Variants in GFRA4 observed in about 807,000 individuals in gnomAD.
GFRA4 encodes the protein GDNF family receptor alpha-4.
Under a neutral mutation model 28.5 loss-of-function variants are expected in GFRA4, and 31 were observed. The observed-to-expected ratio is 1.09, with a 90% CI of 0.82 to 1.47. The LOEUF (loss-of-function observed/expected upper bound fraction) is 1.47, where lower values mean the gene tolerates loss of function less well. GFRA4 is among the 40% of genes most tolerant of loss of function. GFRA4 has a pLI of 0.00. For synonymous variants in GFRA4, 188 were observed against 188.0 expected, an observed-to-expected ratio of 1.00 and a Z score of 0.00; for missense variants, 389 against 413.2, an observed-to-expected ratio of 0.94 and a Z score of 0.51.
chr20:3,660,832 G>T lies in GFRA4; in HGVS notation c.425C>A (p.Thr142Asn). 7.0e-7 allele frequency: 1 copy of T among 1,426,770 alleles called. No homozygotes were observed. The highest frequency in any genetic ancestry group is 9.1e-7 in the Non-Finnish European group (1 of 1,103,042). The allele number at this position is 1,426,770 out of a possible 1,614,324, so 88.4% of individuals were successfully genotyped here. Residue 142 changes from threonine to asparagine, a missense_variant, in exon 3 of 6, where the codon ACC becomes AAC. Thr to Asn is a moderately conservative substitution (Grantham distance 65). Coordinates refer to ENST00000290417, the MANE Select transcript of GFRA4 (RefSeq NM_022139.4). Reference sequence around the variant, plus strand: ...GCCGTCGGGGGCGCTGGGCGCTGGGGTGCACGAGACCTGAAAGGCCAGGAG... The same window carrying T: ...GCCGTCGGGGGCGCTGGGCGCTGGGTTGCACGAGACCTGAAAGGCCAGGAG... ...PRLLAFQVSC[T>N]PAPSAPDGCL...
Position 3,661,068 on chromosome 20 carries a change from C to G in GFRA4, c.268G>C (p.Gly90Arg). ...CGCCGACGCTCGGCGCACGCGGGGC[C>G]CGCGCACGGGCAGAAGAGCAGTGCG... is the stretch of plus-strand genomic sequence containing the variant. ...THALLFCPCA[G>R]PACAERRRQT... Residue 90 changes from glycine to arginine, a missense_variant, in exon 2 of 6, where the codon GGC becomes CGC. Gly to Arg is a moderately radical substitution (Grantham distance 125). Transcript: ENST00000290417. 1 of 1,443,988 alleles carries G rather than the reference C, an allele frequency of 6.9e-7. No homozygotes were observed. Among genetic ancestry groups the G allele is most frequent in the Non-Finnish European group, 9.0e-7 (1 of 1,105,824 alleles). 89.4% of individuals were successfully genotyped at this position (1,443,988 alleles called of 1,614,324 possible). A position where few individuals can be genotyped will look rare whatever the true frequency, so the allele number is the denominator to read the frequency against.
Position 3,661,150 on chromosome 20 carries a change from G to A in GFRA4, c.186C>T (p.Ala62=). 3 of 1,342,314 alleles carry A rather than the reference G, an allele frequency of 2.2e-6. No individual in the cohort carries two copies. The highest frequency in any genetic ancestry group is 3.1e-5 in the East Asian group (1 of 32,238). The allele number at this position is 1,342,314 out of a possible 1,614,324, so 83.2% of individuals were successfully genotyped here. Residue 62 remains alanine, a synonymous_variant, in exon 2 of 6, where the codon GCC becomes GCT. Coordinates refer to ENST00000290417, the MANE Select transcript of GFRA4 (RefSeq NM_022139.4). ...GRAAQGGCPR[A]RCRRALRRFF... is the part of the protein sequence containing the mutation. Reference sequence around the variant, plus strand: ...AGCGGCGCAGGGCCCGGCGGCAGCGGGCGCGGGGACAGCCCCCCTGCGCAG... The same window carrying A: ...AGCGGCGCAGGGCCCGGCGGCAGCGAGCGCGGGGACAGCCCCCCTGCGCAG...
chr20:3,661,604 C>T (rs1458383162), intron 1 of GFRA4, among the ~76,000 whole-genome samples: 1 of 152,158 alleles, frequency 6.6e-6, no homozygotes, highest in Non-Finnish European at 1.5e-5. Context: ...CGTCCAAAGA[C>T]GGGTCCAGGG....
chr20:3,660,038 C>T (rs1349858779), intron 5 of GFRA4, 49 bp from the exon 6 acceptor site: 1 of 1,527,180 alleles, frequency 6.5e-7, no homozygotes. Flanking sequence ...CCTGTCTCTG[C>T]CCTCTGCCTG....
chr20:3,662,787 C>G (rs1600185857), intron 1 of GFRA4, among the ~76,000 whole-genome samples: 1 of 152,162 alleles, frequency 6.6e-6, no homozygotes, highest in East Asian at 1.9e-4. Context: ...AGGGTTTGAA[C>G]CCACCTCTGC....
chr20:3,660,173 C>T lies in GFRA4; in HGVS notation c.714G>A (p.Glu238=), dbSNP rs1332473120. 1 of 1,594,082 alleles carries T rather than the reference C, an allele frequency of 6.3e-7. No homozygotes were observed. Among genetic ancestry groups the T allele is most frequent in the African/African-American group, 1.3e-5 (1 of 74,622 alleles). The change falls in exon 5 of 6, where the codon GAG becomes GAA. Residue 238 remains glutamate, a synonymous_variant. Transcript: ENST00000290417. The part of the protein sequence containing the change: ...LDQLNPQGDP[E]HSLLQVSSTG... Reference sequence around the variant, plus strand: ...CTGCACCTACCTGCAGGAGGCTGTGCTCCGGGTCTCCCTGGGGGTTCAGCT... The same window carrying T: ...CTGCACCTACCTGCAGGAGGCTGTGTTCCGGGTCTCCCTGGGGGTTCAGCT...
rs773649474 is a variant in GFRA4 at position 3,660,678 on chromosome 20, G to A, written c.503-18C>T. 9.7e-6 allele frequency: 15 copies of A among 1,539,448 alleles called. No homozygotes were observed. The highest frequency in any genetic ancestry group is 1.3e-5 in the Non-Finnish European group (15 of 1,142,318). On this transcript the variant is annotated intron_variant, in intron 3 of 5. Transcript: ENST00000290417. Reference sequence around the variant, plus strand: ...GGCGGTGCCTGCGGGGACCCTGAGGGCGAAGTCATCGGCCCACCCGGGCGG... The same window carrying A: ...GGCGGTGCCTGCGGGGACCCTGAGGACGAAGTCATCGGCCCACCCGGGCGG...
chr20:3,661,247 G>A lies in GFRA4; in HGVS notation c.89C>T (p.Ala30Val), dbSNP rs1718606853. The A allele has an allele frequency of 1.3e-6, 2 of 1,499,816 alleles. No individual in the cohort carries two copies. Among genetic ancestry groups the A allele is most frequent in the Admixed American group, 2.2e-5 (1 of 46,286 alleles). 92.9% of individuals were successfully genotyped at this position (1,499,816 alleles called of 1,614,324 possible). Residue 30 changes from alanine to valine, a missense_variant, in exon 2 of 6, where the codon GCC becomes GTC. Physicochemically the swap from Ala to Val is moderately conservative, Grantham distance 64. Transcript: ENST00000290417. ...CCGCGCGTCCGCCGTGCAGGCTTCGGCCGCGTCCACACATCGGTTCCCTCC... is the reference window on the plus strand; with the variant it reads ...CCGCGCGTCCGCCGTGCAGGCTTCGACCGCGTCCACACATCGGTTCCCTCC... ...SVGGNRCVDA[A>V]EACTADARCQ...
chr20:3,660,674 G>A lies in GFRA4; in HGVS notation c.503-14C>T. 4 of 1,542,280 alleles carry A rather than the reference G, an allele frequency of 2.6e-6. No homozygotes were observed. The highest frequency in any genetic ancestry group is 3.5e-6 in the Non-Finnish European group (4 of 1,143,646). The stretch of plus-strand genomic sequence containing the variant: ...TGACGGCGGTGCCTGCGGGGACCCT[G>A]AGGGCGAAGTCATCGGCCCACCCGG... On this transcript the variant is annotated splice_polypyrimidine_tract_variant and intron_variant, in intron 3 of 5. Coordinates refer to ENST00000290417, the MANE Select transcript of GFRA4 (RefSeq NM_022139.4).
At chr20:3,661,542 T>G (rs2087225219) in intron 1 of GFRA4, among the ~76,000 whole-genome samples, 1 of 148,362 alleles carries the variant, frequency 6.7e-6, no homozygotes, top group South Asian at 2.2e-4. Flanking sequence ...CCCCAAAAGC[T>G]GAAGCCCCTC....
chr20:3,663,306 G>A, intron 1 of GFRA4, 48 bp downstream of exon 1: 1 of 1,590,158 alleles, frequency 6.3e-7, no homozygotes. Flanking sequence ...GAGGAGCAGG[G>A]ACAGAGAGGC....
rs760969022 is a variant in GFRA4 at position 3,660,680 on chromosome 20, G to A, written c.503-20C>T. 1 of 1,537,668 alleles carries A rather than the reference G, an allele frequency of 6.5e-7. No individual in the cohort carries two copies. Among genetic ancestry groups the A allele is most frequent in the Non-Finnish European group, 8.8e-7 (1 of 1,141,660 alleles). On this transcript the variant is annotated intron_variant, in intron 3 of 5. Coordinates refer to ENST00000290417, the MANE Select transcript of GFRA4 (RefSeq NM_022139.4). Reference sequence around the variant, plus strand: ...CGGTGCCTGCGGGGACCCTGAGGGCGAAGTCATCGGCCCACCCGGGCGGAG... The same window carrying A: ...CGGTGCCTGCGGGGACCCTGAGGGCAAAGTCATCGGCCCACCCGGGCGGAG...
chr20:3,663,346 G>A lies in GFRA4; in HGVS notation c.46+8C>T. On this transcript the variant is annotated splice_region_variant and intron_variant, in intron 1 of 5. Transcript: ENST00000290417. ...GTTCGGGGTCCAGGGGAAGAGAGGG[G>A]CGCTCACCCAGTAACAGCAGCAGCA... 9.3e-6 allele frequency: 15 copies of A among 1,609,578 alleles called. No homozygotes were observed. Among genetic ancestry groups the A allele is most frequent in the Non-Finnish European group, 1.3e-5 (15 of 1,178,688 alleles).
Position 3,661,033 on chromosome 20 carries a change from G to A in GFRA4, c.303C>T (p.Phe101=). 3 of 1,465,142 alleles carry A rather than the reference G, an allele frequency of 2.0e-6. No homozygotes were observed. Among genetic ancestry groups the A allele is most frequent in the South Asian group, 1.3e-5 (1 of 77,694 alleles). The allele number at this position is 1,465,142 out of a possible 1,614,324, so 90.8% of individuals were successfully genotyped here. ...GCCCCGAAAAGGCGCAGGAGGGCAC[G>A]AAGGTCTGGCGCCGACGCTCGGCGC... ...PACAERRRQT[F]VPSCAFSGPG... Residue 101 remains phenylalanine (F), a synonymous_variant, in exon 2 of 6, where the codon TTC becomes TTT. Transcript: ENST00000290417.
At position 3,660,551 on chromosome 20, in the gene GFRA4, C is replaced by G; in HGVS notation, c.612G>C (p.Gly204=). The G allele has an allele frequency of 6.5e-7, 1 of 1,550,128 alleles. No homozygotes were observed. The highest frequency in any genetic ancestry group is 8.7e-7 in the Non-Finnish European group (1 of 1,147,108). ...NRREDCEAFR[G]LFTRNRCLDG... is the part of the protein sequence containing the mutation. ...CCAAGCAGCGGTTCCTGGTAAAGAG[C>G]CCCCGGAAGGCTTCGCAGTCCTCAC... The change falls in exon 4 of 6, where the codon GGG becomes GGC. Residue 204 remains glycine (G), a synonymous_variant. Transcript: ENST00000290417.
At chr20:3,663,135 G>A (rs572443781) in intron 1 of GFRA4, among the ~76,000 whole-genome samples, 2 of 152,280 alleles carry the variant, frequency 1.3e-5, no homozygotes, top group South Asian at 4.1e-4. Context: ...ACTCGGGAGG[G>A]GGATGGCGGT....
Position 3,659,599 on chromosome 20 carries a change from A to C in GFRA4, c.*310T>G. The C allele has an allele frequency of 2.3e-6, 1 of 440,278 alleles. No individual in the cohort carries two copies. Among genetic ancestry groups the C allele is most frequent in the East Asian group, 4.7e-5 (1 of 21,310 alleles). 27.3% of individuals were successfully genotyped at this position (440,278 alleles called of 1,614,324 possible). On this transcript the variant is annotated 3_prime_UTR_variant, in exon 6 of 6. Coordinates refer to ENST00000290417, the MANE Select transcript of GFRA4 (RefSeq NM_022139.4). Reference sequence around the variant, plus strand: ...GGTCTCCAGAGAGGTCTCAGCTACAAAAGTGACCCTCTCCTGACCCCACCT... The same window carrying C: ...GGTCTCCAGAGAGGTCTCAGCTACACAAGTGACCCTCTCCTGACCCCACCT...
rs1010504558 is a variant in GFRA4 at position 3,661,257 on chromosome 20, C to T, written c.79G>A (p.Val27Met). 1.1e-5 allele frequency: 16 copies of T among 1,493,668 alleles called. No homozygotes were observed. Among genetic ancestry groups the T allele is most frequent in the Non-Finnish European group, 1.3e-5 (15 of 1,128,770 alleles). The allele number at this position is 1,493,668 out of a possible 1,614,324, so 92.5% of individuals were successfully genotyped here. Residue 27 changes from valine (V) to methionine (M), a missense_variant, in exon 2 of 6, where the codon GTG becomes ATG. Transcript: ENST00000290417. ...GCCGTGCAGGCTTCGGCCGCGTCCA[C>T]ACATCGGTTCCCTCCGACCGAGCTC... ...SASSVGGNRC[V>M]DAAEACTADA...
chr20:3,662,160 C>T (rs2087230846), intron 1 of GFRA4, among the ~76,000 whole-genome samples: 1 of 152,188 alleles, frequency 6.6e-6, no homozygotes, highest in Admixed American at 6.5e-5. Flanking sequence ...AGGTGACACC[C>T]TGCTGGAGAC....
Sources: allele counts gnomAD v4.1 joint callset (sites outside exome capture counted in the v4.1 genomes callset), GRCh38; gene constraint gnomAD v4.1.1; transcripts MANE v1.5; gene names NCBI Gene and HGNC (gene_info 2026-07-23, HGNC 2026-07-21).